The following TRPM3 variants were observed in gnomAD, a reference collection of about 807,000 sequenced individuals.
The protein encoded by TRPM3 is long transient receptor potential channel 3.
Under a neutral mutation model 181.2 loss-of-function variants are expected in TRPM3, and 77 were observed. The ratio of observed to expected loss-of-function variants is 0.42; its 90% CI spans 0.35 to 0.51. The LOEUF is 0.51. Ranked by LOEUF, TRPM3 falls within the 20% of genes least tolerant of loss-of-function variation. The pLI, the probability that TRPM3 is intolerant of heterozygous loss-of-function variation, is 0.01. For missense variants in TRPM3, 1,759 were observed against 2,196.7 expected, an observed-to-expected ratio of 0.80 and a Z score of 3.98; for synonymous variants, 745 against 796.4, an observed-to-expected ratio of 0.94 and a Z score of 1.09.
At chr9:71,028,351 C>T (rs966705928) in intron 1 of TRPM3, among the ~76,000 whole-genome samples, 1 of 152,098 alleles carries the variant, frequency 6.6e-6, no homozygotes, top group Non-Finnish European at 1.5e-5. Flanking sequence ...TGTTACCAGC[C>T]ACTACAAAAA....
At chr9:70,542,774 T>C (rs1015264024) in intron 25 of TRPM3, among the ~76,000 whole-genome samples, 1 of 152,210 alleles carries the variant, frequency 6.6e-6, no homozygotes, top group South Asian at 2.1e-4. Flanking sequence ...GTGGGGTGCA[T>C]GTAGGATGAG....
At chr9:71,256,878 G>A (rs2082707033) in intron 1 of TRPM3, among the ~76,000 whole-genome samples, 1 of 152,006 alleles carries the variant, frequency 6.6e-6, no homozygotes, top group South Asian at 2.1e-4. Context: ...GTATTCCAGA[G>A]CAAACTGTAC....
At chr9:70,830,179 GC>G (rs1186968830) in intron 5 of TRPM3, among the ~76,000 whole-genome samples, 1 of 152,136 alleles carries the variant, frequency 6.6e-6, no homozygotes, top group African/African-American at 2.4e-5. Flanking sequence ...TGAGACGTAA[GC>G]CCATGTTTTT....
chr9:71,236,977 G>A (rs1296034003), intron 1 of TRPM3, among the ~76,000 whole-genome samples: 1 of 150,650 alleles, frequency 6.6e-6, no homozygotes, highest in Non-Finnish European at 1.5e-5. Context: ...AACCTGGGAG[G>A]CGGAGGCTGC....
At chr9:70,582,587 C>T (rs1423266644) in intron 22 of TRPM3, among the ~76,000 whole-genome samples, 1 of 152,048 alleles carries the variant, frequency 6.6e-6, no homozygotes, top group Non-Finnish European at 1.5e-5. Flanking sequence ...TCAGTGGCCA[C>T]TAGCAACATG....
At chr9:71,390,000 C>T (rs1457152108) in intron 1 of TRPM3, among the ~76,000 whole-genome samples, 1 of 152,030 alleles carries the variant, frequency 6.6e-6, no homozygotes, top group Admixed American at 6.6e-5. Context: ...GAAAATATTT[C>T]AGAACATTAG....
At chr9:70,581,094 G>T (rs546043997) in intron 22 of TRPM3, among the ~76,000 whole-genome samples, 1 of 152,338 alleles carries the variant, frequency 6.6e-6, no homozygotes, top group African/African-American at 2.4e-5. Flanking sequence ...ATTAGATTAT[G>T]AGATATATAC....
intron 3 of TRPM3, among the ~76,000 whole-genome samples, chr9:70,861,255 A>G (rs912685878): frequency 6.6e-6 from 1 of 152,186 alleles, no homozygotes; most frequent in African/African-American, 2.4e-5. Flanking sequence ...CTTGTAATCT[A>G]TAAATTGTCG....
intron 20 of TRPM3, among the ~76,000 whole-genome samples, chr9:70,602,670 C>CT (rs1333822785): frequency 6.6e-6 from 1 of 152,200 alleles, no homozygotes; most frequent in Non-Finnish European, 1.5e-5. Context: ...TAATCACATT[C>CT]TTTTTAGCAG....
chr9:70,954,072 G>C (rs1243613833), intron 1 of TRPM3, among the ~76,000 whole-genome samples: 1 of 152,036 alleles, frequency 6.6e-6, no homozygotes, highest in Non-Finnish European at 1.5e-5. Flanking sequence ...GGAAGAAACA[G>C]GACTCCTCCA....
chr9:71,247,629 A>G (rs1028692423), intron 1 of TRPM3, among the ~76,000 whole-genome samples: 5 of 152,112 alleles, frequency 3.3e-5, no homozygotes, highest in Admixed American at 3.3e-4. Context: ...CAGAGATGTC[A>G]AAGAGAAGAT....
chr9:70,891,589 A>G (rs934382240), intron 1 of TRPM3, among the ~76,000 whole-genome samples: 1 of 152,170 alleles, frequency 6.6e-6, no homozygotes, highest in African/African-American at 2.4e-5. Flanking sequence ...TGTAATAAAA[A>G]TGAACAGCAA....
chr9:71,071,334 T>C (rs750534684), intron 1 of TRPM3, among the ~76,000 whole-genome samples: 30 of 152,332 alleles, frequency 2.0e-4, no homozygotes, highest in Non-Finnish European at 4.1e-4. Flanking sequence ...AGGCACTGTA[T>C]TTGGGAATCT....
At chr9:70,988,605 G>C (rs1320864590) in intron 1 of TRPM3, among the ~76,000 whole-genome samples, 6 of 152,144 alleles carry the variant, frequency 3.9e-5, no homozygotes, top group Admixed American at 1.3e-4. Flanking sequence ...GTGAATCTAG[G>C]TACTGCTGTG....
At chr9:71,382,583 G>A (rs1250732979) in intron 1 of TRPM3, among the ~76,000 whole-genome samples, 2 of 151,964 alleles carry the variant, frequency 1.3e-5, no homozygotes. Context: ...TGCCTTGTGT[G>A]GAGTCAGCAA....
At chr9:70,671,254 T>C (rs987717783) in intron 9 of TRPM3, among the ~76,000 whole-genome samples, 1 of 152,052 alleles carries the variant, frequency 6.6e-6, no homozygotes, top group African/African-American at 2.4e-5. Flanking sequence ...GGTCAAACAA[T>C]TTGCAGTCAG....
At chr9:71,171,664 T>G (rs1056734921) in intron 1 of TRPM3, among the ~76,000 whole-genome samples, 1 of 151,942 alleles carries the variant, frequency 6.6e-6, no homozygotes, top group African/African-American at 2.4e-5. Context: ...AATACGGTAA[T>G]GAGGAAAAGC....
intron 1 of TRPM3, among the ~76,000 whole-genome samples, chr9:71,202,771 C>T (rs551070581): frequency 7.9e-5 from 12 of 152,232 alleles, no homozygotes; most frequent in Non-Finnish European, 1.8e-4. Flanking sequence ...CTTATAAAAC[C>T]CTTTGCTCCT....
chr9:71,179,390 G>T (rs1414060720), intron 1 of TRPM3, among the ~76,000 whole-genome samples: 1 of 152,106 alleles, frequency 6.6e-6, no homozygotes, highest in Admixed American at 6.6e-5. Context: ...AAACAGCAAG[G>T]TGTACACCAC....
Sources: gnomAD v4.1 joint callset for allele counts (sites outside exome capture counted in the v4.1 genomes callset) on GRCh38, gnomAD v4.1.1 for gene constraint, MANE v1.5 for transcripts, NCBI Gene and HGNC (gene_info 2026-07-23, HGNC 2026-07-21) for gene names.